GMEB1: variants seen among roughly 807,000 people sequenced by gnomAD.
GMEB1 encodes the protein glucocorticoid modulatory element-binding protein 1.
In GMEB1, 6 loss-of-function variants were observed where a neutral mutation model predicts 52.4. That is an observed-to-expected ratio of 0.11 (90% CI 0.06 to 0.23). GMEB1 has a LOEUF of 0.23. Among genes scored for constraint, GMEB1 ranks in the 10% least tolerant of loss-of-function variants. GMEB1 has a pLI of 1.00. For missense variants in GMEB1, 486 were observed against 685.6 expected (o/e 0.71, Z 3.25); for synonymous variants, 255 against 244.9 (o/e 1.04, Z -0.38).
In GMEB1 at chr1:28,702,550, A is replaced by T. The variant is rs200127277; in HGVS notation, c.711A>T (p.Lys237Asn). 2 of 1,613,722 alleles carry T rather than the reference A, an allele frequency of 1.2e-6. No individual in the cohort carries two copies. The highest frequency in any genetic ancestry group is 1.7e-6 in the Non-Finnish European group (2 of 1,179,784). The change falls in exon 7 of 10, where the codon AAA (lysine) becomes AAT (asparagine). Residue 237 changes from lysine (K) to asparagine (N), a missense_variant. Around this residue, in one of 5 missense-constraint regions of GMEB1, gnomAD observed 200 missense variants for 253.5 expected, o/e 0.79. Coordinates refer to ENST00000373816, the MANE Select transcript of GMEB1 (RefSeq NM_001319674.2). ...TGGCCACGGAGGAGGGTGTAAAGAA[A>T]GACTCAGAGGAAATTTCAGGTATTC... Reference protein sequence around the residue: ...VTMATEEGVKKDSEEISEDTL... With the variant: ...VTMATEEGVKNDSEEISEDTL...
At chr1:28,686,023 C>T (rs1461134770) in intron 2 of GMEB1, among the ~76,000 whole-genome samples, 1 of 152,114 alleles carries the variant, frequency 6.6e-6, no homozygotes, top group East Asian at 1.9e-4. Flanking sequence ...CTACTTGCCA[C>T]CGTTAAGTGC....
chr1:28,694,027 A>G (rs1260492317), intron 5 of GMEB1, among the ~76,000 whole-genome samples: 1 of 152,092 alleles, frequency 6.6e-6, no homozygotes, highest in Non-Finnish European at 1.5e-5. Context: ...TCATTAAAAT[A>G]TTTCTGAAGA....
chr1:28,680,705 A>T (rs894594156), intron 1 of GMEB1, among the ~76,000 whole-genome samples: 1 of 151,730 alleles, frequency 6.6e-6, no homozygotes, highest in Non-Finnish European at 1.5e-5. Context: ...ACTGCACTCC[A>T]GTCTGGGGAA....
intron 1 of GMEB1, among the ~76,000 whole-genome samples, chr1:28,678,251 G>C (rs1669243197): frequency 6.6e-6 from 1 of 152,144 alleles, no homozygotes; most frequent in Admixed American, 6.6e-5. Flanking sequence ...CAGAGGGAAG[G>C]GGGCTCCAAA....
At chr1:28,699,505 C>T (rs1227082785) in intron 6 of GMEB1, among the ~76,000 whole-genome samples, 1 of 151,974 alleles carries the variant, frequency 6.6e-6, no homozygotes, top group East Asian at 1.9e-4. Flanking sequence ...TCTTGGCTCA[C>T]TGCAACCTCC....
chr1:28,673,447 G>C (rs1467849168), intron 1 of GMEB1, among the ~76,000 whole-genome samples: 2 of 151,520 alleles, frequency 1.3e-5, no homozygotes, highest in Non-Finnish European at 2.9e-5. Context: ...AGTAGAGACG[G>C]GGTTTCACCA....
chr1:28,677,582 T>C (rs1669215979), intron 1 of GMEB1, among the ~76,000 whole-genome samples: 1 of 152,238 alleles, frequency 6.6e-6, no homozygotes, highest in African/African-American at 2.4e-5. Flanking sequence ...ATTACATCTT[T>C]TAAATTAAAT....
At position 28,714,860 on chromosome 1, in the gene GMEB1, T is replaced by C; in HGVS notation, c.*87T>C. On this transcript the variant is annotated 3_prime_UTR_variant, in exon 10 of 10. Transcript: ENST00000373816. ...TATCATTGTCCCACTCATTTCCACA[T>C]AGGACCCTTTTTTAAAAAAAAAAAA... is the stretch of plus-strand genomic sequence containing the variant. 1 of 872,540 alleles carries C rather than the reference T, an allele frequency of 1.1e-6. No individual in the cohort carries two copies. 54.0% of individuals were successfully genotyped at this position (872,540 alleles called of 1,614,324 possible).
chr1:28,689,569 CA>C (rs1335973511), intron 2 of GMEB1: 1 of 152,272 alleles, frequency 6.6e-6, no homozygotes, highest in African/African-American at 2.4e-5. Flanking sequence ...GCGGAGCTTG[CA>C]GTGAGCCGAG....
intron 6 of GMEB1, among the ~76,000 whole-genome samples, chr1:28,701,513 C>G (rs1369912848): frequency 2.0e-5 from 3 of 152,074 alleles, no homozygotes; most frequent in African/African-American, 7.2e-5. Flanking sequence ...CGTGATCCGC[C>G]CACCTCGGCC....
chr1:28,705,445 C>CTT lies in GMEB1; in HGVS notation c.868+1134_868+1135dup, dbSNP rs34597945. ...CTCTCTCGCGCGATATATGTATTTT[C>CTT]TTTTTTTTTTTTTTTTTTTCCTGAG... On this transcript the variant is annotated intron_variant, in intron 8 of 9. Coordinates refer to ENST00000373816, the MANE Select transcript of GMEB1 (RefSeq NM_001319674.2). Among the ~76,000 whole-genome samples the CTT allele has an allele frequency of 3.3e-3, 403 of 123,086 alleles. 2 individuals are homozygous for CTT. Among genetic ancestry groups the CTT allele is most frequent in the African/African-American group, 0.011 (379 of 33,774 alleles). The allele number at this position is 123,086 out of a possible 152,430, so 80.7% of individuals were successfully genotyped here. A position where few individuals can be genotyped will look rare whatever the true frequency, so the allele number is the denominator to read the frequency against.
chr1:28,691,727 G>T lies in GMEB1; in HGVS notation c.336+18G>T. ...GTGTCAAGGTAATTGTCTTTTCCAT[G>T]CTGAAGCCAAATTTGGGACTCCTTG... is the stretch of plus-strand genomic sequence containing the variant. On this transcript the variant is annotated intron_variant, in intron 4 of 9. Transcript: ENST00000373816. 1 of 1,436,482 alleles carries T rather than the reference G, an allele frequency of 7.0e-7. No homozygotes were observed. The highest frequency in any genetic ancestry group is 9.3e-7 in the Non-Finnish European group (1 of 1,071,962). The allele number at this position is 1,436,482 out of a possible 1,614,324, so 89.0% of individuals were successfully genotyped here.
Position 28,716,108 on chromosome 1 carries a change from A to G in GMEB1, c.*1335A>G, listed in dbSNP as rs1329621377. On this transcript the variant is annotated 3_prime_UTR_variant, in exon 10 of 10. Coordinates refer to ENST00000373816, the MANE Select transcript of GMEB1 (RefSeq NM_001319674.2). ...GTGAAACTCCGTCTCAAAAAAAAAG[A>G]AAGAAATGGAAAGCCAAGGATGCTG... 1 of 152,266 alleles carries G rather than the reference A, an allele frequency of 6.6e-6. No individual in the cohort carries two copies. Among genetic ancestry groups the G allele is most frequent in the African/African-American group, 2.4e-5 (1 of 41,406 alleles). 9.4% of individuals were successfully genotyped at this position (152,266 alleles called of 1,614,324 possible).
chr1:28,672,771 C>A (rs1424495077), intron 1 of GMEB1, among the ~76,000 whole-genome samples: 1 of 134,984 alleles, frequency 7.4e-6, no homozygotes, highest in Non-Finnish European at 1.5e-5. Context: ...GACGGAGTCT[C>A]GCTCTGTTGC....
At chr1:28,707,070 C>T (rs1298118198) in intron 8 of GMEB1, among the ~76,000 whole-genome samples, 1 of 149,080 alleles carries the variant, frequency 6.7e-6, no homozygotes, top group Non-Finnish European at 1.5e-5. Context: ...GCAAGCTCCA[C>T]CTGCCAGGTT....
chr1:28,686,556 G>A (rs1669649918), intron 2 of GMEB1, among the ~76,000 whole-genome samples: 1 of 149,484 alleles, frequency 6.7e-6, no homozygotes, highest in African/African-American at 2.5e-5. Flanking sequence ...TTGAGTCTGG[G>A]AGATGGAGGT....
At chr1:28,671,459 A>G (rs1339792626) in intron 1 of GMEB1, among the ~76,000 whole-genome samples, 1 of 152,108 alleles carries the variant, frequency 6.6e-6, no homozygotes, top group Non-Finnish European at 1.5e-5. Context: ...TTATGCCTGT[A>G]ATGCCAGCAC....
intron 8 of GMEB1, among the ~76,000 whole-genome samples, chr1:28,709,641 C>A (rs1670953320): frequency 6.6e-6 from 1 of 152,110 alleles, no homozygotes; most frequent in South Asian, 2.1e-4. Context: ...GTGGCACGAT[C>A]TTGGTTCACT....
At chr1:28,699,001 A>G (rs1161728457) in intron 6 of GMEB1, among the ~76,000 whole-genome samples, 3 of 152,184 alleles carry the variant, frequency 2.0e-5, no homozygotes, top group Admixed American at 6.5e-5. Flanking sequence ...GAAAAAAGAA[A>G]AATGCTTGCT....
Sources: allele counts gnomAD v4.1 joint callset (sites outside exome capture counted in the v4.1 genomes callset), GRCh38; gene constraint gnomAD v4.1.1; regional missense constraint gnomAD v4.1.1; transcripts MANE v1.5; gene names NCBI Gene and HGNC (gene_info 2026-07-23, HGNC 2026-07-21).